TSGA10: variants seen among roughly 807,000 people sequenced by gnomAD.
TSGA10 encodes testis-specific gene 10 protein.
A neutral mutation model predicts 96.6 loss-of-function variants in TSGA10; 43 were observed. The ratio of observed to expected loss-of-function variants is 0.44; its 90% CI spans 0.35 to 0.57. TSGA10 has a LOEUF of 0.57. Ranked by LOEUF, TSGA10 falls within the 20% of genes least tolerant of loss-of-function variation. The pLI is 0.01. For missense variants in TSGA10, 703 were observed against 834.4 expected (o/e 0.84, Z 1.94); for synonymous variants, 229 against 269.9 (o/e 0.85, Z 1.48).
chr2:99,050,000 C>T (rs1356807098), intron 16 of TSGA10, among the ~76,000 whole-genome samples: 1 of 152,034 alleles, frequency 6.6e-6, no homozygotes, highest in Non-Finnish European at 1.5e-5. Context: ...TAAGATGATA[C>T]AAATATAATT....
chr2:99,013,806 AG>A, intron 20 of TSGA10, among the ~76,000 whole-genome samples: 1 of 152,008 alleles, frequency 6.6e-6, no homozygotes, highest in East Asian at 2.0e-4. Context: ...ACTTGAGGTC[AG>A]GAGTTCAAAA....
At position 99,087,702 on chromosome 2, in the gene TSGA10, C is replaced by T. The variant is rs141708866; in HGVS notation, c.612-6305G>A. Among the ~76,000 whole-genome samples the T allele has an allele frequency of 3.0e-3, 457 of 152,030 alleles. 1 individual carries two copies. Among genetic ancestry groups the T allele is most frequent in the African/African-American group, 9.4e-3 (388 of 41,468 alleles). ...GACAGTGTCTCTAGAAAAAGAAATA[C>T]TAAAATTTTTTGTTCATCAAAAACA... On this transcript the variant is annotated intron_variant, in intron 10 of 20. Transcript: ENST00000393483.
chr2:99,087,131 GA>G (rs1378928835), intron 10 of TSGA10, among the ~76,000 whole-genome samples: 1 of 152,038 alleles, frequency 6.6e-6, no homozygotes, highest in Non-Finnish European at 1.5e-5. Flanking sequence ...GTGAACCCGG[GA>G]GGCAGAGCTT....
At chr2:99,078,988 T>G in intron 11 of TSGA10, 175 bp from the exon 12 acceptor site, 1 of 462,182 alleles carries the variant, frequency 2.2e-6, no homozygotes, top group Non-Finnish European at 3.7e-6. Flanking sequence ...AAAACTACAG[T>G]GAATCACAAA....
intron 2 of TSGA10, among the ~76,000 whole-genome samples, chr2:99,119,985 A>G (rs937190563): frequency 7.2e-5 from 11 of 152,154 alleles, no homozygotes; most frequent in African/African-American, 2.4e-4. Flanking sequence ...TTCCCACTGC[A>G]CCAGGAGATG....
intron 16 of TSGA10, among the ~76,000 whole-genome samples, chr2:99,056,602 A>G (rs1218295231): frequency 6.6e-6 from 1 of 152,154 alleles, no homozygotes; most frequent in African/African-American, 2.4e-5. Flanking sequence ...ACTTCCCATA[A>G]AACTTCTCTA....
chr2:99,140,480 CG>C (rs1009726974), intron 1 of TSGA10, among the ~76,000 whole-genome samples: 1 of 144,482 alleles, frequency 6.9e-6, no homozygotes, highest in Admixed American at 6.9e-5. Context: ...CCCGAAGCTG[CG>C]AAAAAAAAAA....
intron 10 of TSGA10, among the ~76,000 whole-genome samples, chr2:99,094,195 G>C (rs1320902363): frequency 6.6e-6 from 1 of 152,154 alleles, no homozygotes; most frequent in Non-Finnish European, 1.5e-5. Context: ...TAATTGGCAA[G>C]CCACATGTAG....
At chr2:99,005,530 C>T (rs961101167) in intron 20 of TSGA10, among the ~76,000 whole-genome samples, 15 of 152,146 alleles carry the variant, frequency 9.9e-5, no homozygotes, top group Non-Finnish European at 1.9e-4. Context: ...CATGAGTGAA[C>T]TCCCATTCAC....
At chr2:99,103,892 A>G in intron 10 of TSGA10, 75 bp downstream of exon 10, 2 of 1,495,254 alleles carry the variant, frequency 1.3e-6, no homozygotes, top group East Asian at 4.6e-5. Context: ...AATAATTTTC[A>G]TTATAAAATA....
chr2:99,117,723 C>T lies in TSGA10; in HGVS notation c.-319G>A. ...CTATCCAAGAGTTTCCTAACATATT[C>T]TTCCAAGCCATGATTTGTCTGTTTG... On this transcript the variant is annotated 5_prime_UTR_variant, in exon 4 of 21. Transcript: ENST00000393483. 1.0e-6 allele frequency: 1 copy of T among 985,730 alleles called. No homozygotes were observed. The highest frequency in any genetic ancestry group is 4.7e-5 in the South Asian group (1 of 21,280). The allele number at this position is 985,730 out of a possible 1,614,324, so 61.1% of individuals were successfully genotyped here.
chr2:99,108,433 T>A (rs2091533406), intron 7 of TSGA10, among the ~76,000 whole-genome samples: 1 of 152,162 alleles, frequency 6.6e-6, no homozygotes, highest in African/African-American at 2.4e-5. Context: ...TACATACTTC[T>A]TTTATTCTCT....
chr2:99,151,956 A>G (rs4850897), intron 1 of TSGA10, among the ~76,000 whole-genome samples: 77,009 of 152,068 alleles, frequency 0.51, 21,512 homozygotes, highest in Middle Eastern at 0.7. Flanking sequence ...GAAAAATACT[A>G]AACAAATGTG....
intron 17 of TSGA10, among the ~76,000 whole-genome samples, chr2:99,033,250 T>C (rs138722956): frequency 2.4e-4 from 36 of 152,338 alleles, no homozygotes; most frequent in African/African-American, 7.9e-4. Context: ...ATCAGCCACA[T>C]TAAAGTACAT....
chr2:99,002,458 C>A (rs559445245), intron 20 of TSGA10, among the ~76,000 whole-genome samples: 57 of 152,282 alleles, frequency 3.7e-4, no homozygotes, highest in Non-Finnish European at 6.6e-4. Flanking sequence ...CACCACCAGG[C>A]CTGCCCTAAA....
chr2:99,084,922 T>C (rs2088057406), intron 10 of TSGA10, among the ~76,000 whole-genome samples: 1 of 151,386 alleles, frequency 6.6e-6, no homozygotes, highest in African/African-American at 2.4e-5. Context: ...CAAAACCCAC[T>C]GATTACAAAA....
At chr2:99,009,009 T>C (rs780707408) in intron 20 of TSGA10, among the ~76,000 whole-genome samples, 40 of 152,162 alleles carry the variant, frequency 2.6e-4, no homozygotes, top group Non-Finnish European at 4.7e-4. Context: ...GGTGGAGGCA[T>C]GGCTGATGGG....
chr2:99,071,384 A>AG (rs35366145), intron 14 of TSGA10, among the ~76,000 whole-genome samples: 1 of 77,472 alleles, frequency 1.3e-5, no homozygotes, highest in Non-Finnish European at 2.6e-5. Flanking sequence ...CCATTTTTTT[A>AG]AAAAAAAAAC....
Position 99,081,372 on chromosome 2 carries a change from C to CT in TSGA10, c.636dup (p.Asp213ArgfsTer4). ...AGGTGTCGCTGAGTATCAGAAAGATCTTTTTCTGTGTTTTCATACAAAAGT... is the reference window on the plus strand; with the variant it reads ...AGGTGTCGCTGAGTATCAGAAAGATCTTTTTTCTGTGTTTTCATACAAAAGT... On this transcript the variant is annotated frameshift_variant, in exon 11 of 21. Transcript: ENST00000393483. LOFTEE classifies it high-confidence loss of function. The CT allele has an allele frequency of 4.4e-6, 7 of 1,575,610 alleles. No individual in the cohort carries two copies. The highest frequency in any genetic ancestry group is 6.0e-6 in the Non-Finnish European group (7 of 1,161,700).
Sources: allele counts gnomAD v4.1 joint callset (sites outside exome capture counted in the v4.1 genomes callset), GRCh38; gene constraint gnomAD v4.1.1; transcripts MANE v1.5; gene names NCBI Gene and HGNC (gene_info 2026-07-23, HGNC 2026-07-21).